The following EFCAB5 variants were observed in gnomAD, a reference collection of about 807,000 sequenced individuals.
EFCAB5 encodes the protein EF-hand calcium binding domain 5.
A neutral mutation model predicts 167.9 loss-of-function variants in EFCAB5; 131 were observed. The observed-to-expected ratio is 0.78, with a 90% confidence interval of 0.68 to 0.90. The LOEUF (loss-of-function observed/expected upper bound fraction) is 0.90. Ranked by LOEUF, EFCAB5 falls within the 40% of genes least tolerant of loss-of-function variation. The pLI, the probability that EFCAB5 is intolerant of heterozygous loss-of-function variation, is 0.00. For missense variants in EFCAB5, 1,663 were observed against 1,745.2 expected (o/e 0.95, Z 0.84); for synonymous variants, 574 against 602.8 (o/e 0.95, Z 0.70).
intron 12 of EFCAB5, 53 bp from the exon 13 acceptor site, chr17:30,057,623 C>T: frequency 1.3e-6 from 2 of 1,505,186 alleles, no homozygotes; most frequent in South Asian, 2.4e-5. Context: ...TTTATTTTCC[C>T]TAACTGAAAA....
chr17:30,079,345 A>G (rs1262751101), intron 15 of EFCAB5, among the ~76,000 whole-genome samples: 21 of 152,202 alleles, frequency 1.4e-4, no homozygotes, highest in Admixed American at 1.4e-3. Context: ...TGTATGTGGA[A>G]AGAAGGAATA....
chr17:30,028,541 G>T (rs544617889), intron 7 of EFCAB5, among the ~76,000 whole-genome samples: 1 of 152,118 alleles, frequency 6.6e-6, no homozygotes, highest in Admixed American at 6.6e-5. Flanking sequence ...ATTTTAAGCC[G>T]GGAAAATAGG....
intron 4 of EFCAB5, among the ~76,000 whole-genome samples, chr17:29,990,301 G>C (rs1028801077): frequency 2.2e-4 from 33 of 152,094 alleles, no homozygotes; most frequent in African/African-American, 5.8e-4. Context: ...AATAGTTATA[G>C]GATGTTTATC....
intron 14 of EFCAB5, chr17:30,068,903 A>C: frequency 6.5e-7 from 1 of 1,538,690 alleles, no homozygotes; most frequent in Non-Finnish European, 9.0e-7. Context: ...ACAGACACAG[A>C]ACGAGACCAA....
intron 7 of EFCAB5, among the ~76,000 whole-genome samples, chr17:30,005,222 A>C (rs1449623336): frequency 6.6e-6 from 1 of 152,214 alleles, no homozygotes; most frequent in Non-Finnish European, 1.5e-5. Context: ...ATTATTGAGT[A>C]TAAGAAATCT....
intron 7 of EFCAB5, among the ~76,000 whole-genome samples, chr17:30,021,390 A>G (rs2069175575): frequency 6.8e-6 from 1 of 147,754 alleles, no homozygotes; most frequent in Admixed American, 6.8e-5. Context: ...CATTTATATA[A>G]AATATGAGCA....
At chr17:30,000,424 G>A (rs1451643455) in intron 7 of EFCAB5, among the ~76,000 whole-genome samples, 3 of 152,116 alleles carry the variant, frequency 2.0e-5, no homozygotes, top group Non-Finnish European at 4.4e-5. Context: ...TAGTAAAACT[G>A]GGAAAATTTG....
At chr17:29,994,993 G>A (rs1298599355) in intron 5 of EFCAB5, among the ~76,000 whole-genome samples, 2 of 152,144 alleles carry the variant, frequency 1.3e-5, no homozygotes, top group Non-Finnish European at 2.9e-5. Context: ...AAAGTCAGAA[G>A]GAGTTAAATC....
chr17:30,028,781 G>A (rs1039531714), intron 7 of EFCAB5, among the ~76,000 whole-genome samples: 1 of 152,150 alleles, frequency 6.6e-6, no homozygotes, highest in African/African-American at 2.4e-5. Flanking sequence ...TTTCTTCTGA[G>A]GGCCTCTCTC....
At position 29,941,835 on chromosome 17, in the gene EFCAB5, T is replaced by A; in HGVS notation, c.39T>A (p.Ala13=). The A allele has an allele frequency of 6.2e-7, 1 of 1,603,732 alleles. No individual in the cohort carries two copies. ...CATCTCAAGAGGAACTCAGACCTGC[T>A]CAGGTTCTTGTCCTACATAGGTTTA... ...ESASQEELRP[A]QENRKEDKER... The change falls in exon 1 of 23, where the codon GCT becomes GCA. Residue 13 remains alanine (A), a synonymous_variant. Transcript: ENST00000394835.
At chr17:30,060,678 C>T (rs1222138364) in intron 14 of EFCAB5, among the ~76,000 whole-genome samples, 1 of 152,182 alleles carries the variant, frequency 6.6e-6, no homozygotes, top group African/African-American at 2.4e-5. Flanking sequence ...TCTTCAGTAA[C>T]TATGTCTTCT....
intron 7 of EFCAB5, among the ~76,000 whole-genome samples, chr17:30,033,174 G>A (rs1474007721): frequency 1.3e-5 from 2 of 152,072 alleles, no homozygotes; most frequent in African/African-American, 4.8e-5. Context: ...CGCCTCTCGG[G>A]TTCACGCCAT....
At chr17:29,989,120 T>G (rs1200143824) in intron 4 of EFCAB5, among the ~76,000 whole-genome samples, 1 of 152,174 alleles carries the variant, frequency 6.6e-6, no homozygotes, top group Non-Finnish European at 1.5e-5. Flanking sequence ...TGAAAGTCAT[T>G]TAATGTTTTC....
chr17:30,087,422 G>T (rs1244045911), intron 19 of EFCAB5, among the ~76,000 whole-genome samples: 2 of 152,130 alleles, frequency 1.3e-5, no homozygotes, highest in African/African-American at 4.8e-5. Context: ...GCATGCATTA[G>T]CTATTTTTTC....
intron 3 of EFCAB5, among the ~76,000 whole-genome samples, chr17:29,961,048 C>T (rs2067710990): frequency 6.6e-6 from 1 of 152,164 alleles, no homozygotes; most frequent in African/African-American, 2.4e-5. Context: ...AGCTGCATCA[C>T]TTTGCATTCC....
At chr17:29,939,093 T>C (rs748468135), upstream of EFCAB5, among the ~76,000 whole-genome samples, 1 of 152,206 alleles carries the variant, frequency 6.6e-6, no homozygotes, top group African/African-American at 2.4e-5. Context: ...CTTTGATCCA[T>C]GGGCTGCAGA....
chr17:30,066,323 T>A (rs1429693974), intron 14 of EFCAB5, among the ~76,000 whole-genome samples: 1 of 152,206 alleles, frequency 6.6e-6, no homozygotes, highest in Non-Finnish European at 1.5e-5. Context: ...TTAAACAACA[T>A]GCTCCCGAAT....
Position 29,941,745 on chromosome 17 carries a change from C to A in EFCAB5, c.-52C>A. 6.9e-7 allele frequency: 1 copy of A among 1,443,678 alleles called. No homozygotes were observed. The highest frequency in any genetic ancestry group is 9.5e-7 in the Non-Finnish European group (1 of 1,053,474). 89.4% of individuals were successfully genotyped at this position (1,443,678 alleles called of 1,614,324 possible). A position where few individuals can be genotyped will look rare whatever the true frequency, so the allele number is the denominator to read the frequency against. ...ATTTTCTTTCTTTTTGTTATTAATA[C>A]TGGTCTAGTAATATTCTTCTATACC... On this transcript the variant is annotated 5_prime_UTR_variant, in exon 1 of 23. The change creates a new upstream start codon in the 5' untranslated region. Transcript: ENST00000394835.
At chr17:29,986,685 C>T (rs377573599) in intron 4 of EFCAB5, among the ~76,000 whole-genome samples, 58 of 111,698 alleles carry the variant, frequency 5.2e-4, no homozygotes, top group Middle Eastern at 0.012. Context: ...GTCTCGCTGT[C>T]GCCCAGGCTG....
Sources: gnomAD v4.1 joint callset for allele counts (sites outside exome capture counted in the v4.1 genomes callset) on GRCh38, gnomAD v4.1.1 for gene constraint, MANE v1.5 for transcripts, NCBI Gene and HGNC (gene_info 2026-07-23, HGNC 2026-07-21) for gene names.